The following OLA1 variants were observed in gnomAD, a reference collection of about 807,000 sequenced individuals.
OLA1 encodes obg-like ATPase 1.
OLA1 carries 14 observed loss-of-function variants against 48.4 expected under a neutral mutation model. The ratio of observed to expected loss-of-function variants is 0.29; its 90% CI spans 0.19 to 0.45. The LOEUF (loss-of-function observed/expected upper bound fraction) is 0.45, where lower values mean the gene tolerates loss of function less well. Among genes scored for constraint, OLA1 ranks in the 20% least tolerant of loss-of-function variants. OLA1 has a pLI of 1.00. For synonymous variants in OLA1, 127 were observed against 150.4 expected, an observed-to-expected ratio of 0.84 and a Z score of 1.14; for missense variants, 325 against 467.1, an observed-to-expected ratio of 0.70 and a Z score of 2.80.
intron 4 of OLA1, among the ~76,000 whole-genome samples, chr2:174,200,596 T>C (rs1019517257): frequency 6.6e-6 from 1 of 152,134 alleles, no homozygotes; most frequent in African/African-American, 2.4e-5. Flanking sequence ...CTGGAACAAC[T>C]GGAATATCAA....
intron 4 of OLA1, among the ~76,000 whole-genome samples, chr2:174,173,324 G>A (rs1375135651): frequency 1.9e-5 from 2 of 106,734 alleles, no homozygotes; most frequent in Non-Finnish European, 3.8e-5. Flanking sequence ...AAGACCTTAA[G>A]TACTTGCTTT....
At chr2:174,092,528 G>A (rs1456989745) in intron 7 of OLA1, among the ~76,000 whole-genome samples, 1 of 151,988 alleles carries the variant, frequency 6.6e-6, no homozygotes, top group Non-Finnish European at 1.5e-5. Context: ...TAGGTGTGGT[G>A]GCATGTGCCT....
chr2:174,147,368 G>A (rs1339880740), intron 4 of OLA1, among the ~76,000 whole-genome samples: 2 of 151,838 alleles, frequency 1.3e-5, no homozygotes, highest in Non-Finnish European at 2.9e-5. Context: ...CAGAGGTTGC[G>A]GTGAGCCGAG....
chr2:174,136,774 C>T (rs1042121690), intron 5 of OLA1, among the ~76,000 whole-genome samples: 11 of 151,792 alleles, frequency 7.2e-5, no homozygotes, highest in Non-Finnish European at 1.5e-4. Context: ...CAGGTTCAAG[C>T]AATTCTCCTG....
intron 5 of OLA1, among the ~76,000 whole-genome samples, chr2:174,128,460 T>C (rs867849355): frequency 6.6e-6 from 1 of 151,610 alleles, no homozygotes; most frequent in African/African-American, 2.4e-5. Context: ...CTGGGCACAG[T>C]GGCTCATGCC....
chr2:174,116,947 TA>T (rs1260698809), intron 7 of OLA1, among the ~76,000 whole-genome samples: 2 of 152,162 alleles, frequency 1.3e-5, no homozygotes, highest in Non-Finnish European at 2.9e-5. Flanking sequence ...TGATTTTACA[TA>T]AAGACTGTAC....
chr2:174,153,514 C>A (rs986741797), intron 4 of OLA1, among the ~76,000 whole-genome samples: 1 of 152,104 alleles, frequency 6.6e-6, no homozygotes, highest in Admixed American at 6.5e-5. Flanking sequence ...AGAAGCAACA[C>A]ATTACAATAT....
chr2:174,180,303 T>C (rs887666026), intron 4 of OLA1, among the ~76,000 whole-genome samples: 1 of 152,198 alleles, frequency 6.6e-6, no homozygotes, highest in African/African-American at 2.4e-5. Flanking sequence ...TTTCTATTCT[T>C]ATCAATAGCT....
At chr2:174,163,707 AATAAATATATAT>A (rs1163384252) in intron 4 of OLA1, among the ~76,000 whole-genome samples, 6 of 39,980 alleles carry the variant, frequency 1.5e-4, no homozygotes, top group African/African-American at 5.5e-4. Context: ...AAAATAAATA[AATAAATATATAT>A]ATATATATAT....
At chr2:174,198,439 G>A (rs899200958) in intron 4 of OLA1, among the ~76,000 whole-genome samples, 3 of 152,064 alleles carry the variant, frequency 2.0e-5, no homozygotes, top group African/African-American at 7.2e-5. Flanking sequence ...TTAAAGCAGG[G>A]GTTCTTAAAG....
intron 5 of OLA1, among the ~76,000 whole-genome samples, chr2:174,136,911 G>C (rs1026276051): frequency 6.6e-6 from 1 of 151,812 alleles, no homozygotes; most frequent in Non-Finnish European, 1.5e-5. Context: ...TCCTGACCTC[G>C]TGATCTACCC....
intron 4 of OLA1, among the ~76,000 whole-genome samples, chr2:174,158,925 C>T (rs1243673671): frequency 6.6e-6 from 1 of 152,134 alleles, no homozygotes; most frequent in Non-Finnish European, 1.5e-5. Context: ...ATCTAATCCC[C>T]CCACCATGGG....
chr2:174,229,624 A>G (rs1688684706), intron 2 of OLA1, among the ~76,000 whole-genome samples, 173 bp from the exon 3 acceptor site: 1 of 152,266 alleles, frequency 6.6e-6, no homozygotes, highest in African/African-American at 2.4e-5. Flanking sequence ...GAAATTTACA[A>G]CAGTAAAGCG....
intron 4 of OLA1, among the ~76,000 whole-genome samples, chr2:174,157,923 T>C (rs1686923865): frequency 6.6e-6 from 1 of 152,138 alleles, no homozygotes; most frequent in South Asian, 2.1e-4. Flanking sequence ...CACACAGTTC[T>C]AAAATGAGAG....
intron 4 of OLA1, among the ~76,000 whole-genome samples, chr2:174,166,663 G>T (rs1202151484): frequency 6.6e-6 from 1 of 152,132 alleles, no homozygotes; most frequent in African/African-American, 2.4e-5. Flanking sequence ...CCATTTATAT[G>T]ATTTTAAATA....
At position 174,128,311 on chromosome 2, in the gene OLA1, G is replaced by C. The variant is rs185939100; in HGVS notation, c.550-4636C>G. On this transcript the variant is annotated intron_variant, in intron 5 of 10. Coordinates refer to ENST00000284719, the MANE Select transcript of OLA1 (RefSeq NM_013341.5). ...GCTACTCAAGAGGCTGAGGTTGAGG[G>C]GGGTATTGCTTGAGTCCAGTATGAG... Among the ~76,000 whole-genome samples, 26 of 151,920 alleles carry C rather than the reference G, an allele frequency of 1.7e-4. 1 individual carries two copies. Among genetic ancestry groups the C allele is most frequent in the Middle Eastern group, 3.4e-3 (1 of 294 alleles).
intron 4 of OLA1, among the ~76,000 whole-genome samples, chr2:174,214,754 G>C (rs538049628): frequency 4.9e-4 from 74 of 152,224 alleles, no homozygotes; most frequent in African/African-American, 1.8e-3. Flanking sequence ...ATTTTGTTAA[G>C]CATTTTAAAA....
At chr2:174,098,847 A>G (rs898201760) in intron 7 of OLA1, among the ~76,000 whole-genome samples, 12 of 152,236 alleles carry the variant, frequency 7.9e-5, no homozygotes, top group Non-Finnish European at 1.5e-4. Context: ...CACAATGTTC[A>G]GGTCACATTT....
intron 4 of OLA1, among the ~76,000 whole-genome samples, chr2:174,208,994 TAAAAC>T (rs1217175492): frequency 6.6e-6 from 1 of 152,214 alleles, no homozygotes; most frequent in African/African-American, 2.4e-5. Flanking sequence ...CATGGACTGT[TAAAAC>T]AATGCATTCT....
Sources: gnomAD v4.1 joint callset for allele counts (sites outside exome capture counted in the v4.1 genomes callset) on GRCh38, gnomAD v4.1.1 for gene constraint, MANE v1.5 for transcripts, NCBI Gene and HGNC (gene_info 2026-07-23, HGNC 2026-07-21) for gene names.